NXPH1: variants seen among roughly 807,000 people sequenced by gnomAD.
NXPH1 encodes neurexophilin 1, also known as neurexophilin-1.
Under a neutral mutation model 23.7 loss-of-function variants are expected in NXPH1, and 5 were observed. That is an observed-to-expected ratio of 0.21 (90% CI 0.11 to 0.44). The LOEUF (loss-of-function observed/expected upper bound fraction) is 0.44. Ranked by LOEUF, NXPH1 falls within the 20% of genes least tolerant of loss-of-function variation. NXPH1 has a pLI of 0.99. For missense variants in NXPH1, 324 were observed against 321.6 expected (o/e 1.01, Z -0.06); for synonymous variants, 144 against 122.2 (o/e 1.18, Z -1.18).
chr7:8,526,116 G>T (rs911645964), intron 2 of NXPH1, among the ~76,000 whole-genome samples: 9 of 152,148 alleles, frequency 5.9e-5, no homozygotes, highest in Non-Finnish European at 1.5e-5. Context: ...GGGCAGAGCT[G>T]CCCAAGACCA....
At position 8,722,897 on chromosome 7, in the gene NXPH1, T is replaced by C. The variant is rs140664732; in HGVS notation, c.55-28111T>C. ...ATGGCCCCTTCCAGCCTCAGATGTT[T>C]AGTGATTGTAACTCTCAACAGTCAT... On this transcript the variant is annotated intron_variant, in intron 2 of 2. Coordinates refer to ENST00000405863, the MANE Select transcript of NXPH1 (RefSeq NM_152745.3). Among the ~76,000 whole-genome samples, 1,063 of 152,312 alleles carry C rather than the reference T, an allele frequency of 7.0e-3. 9 individuals are homozygous for C. Among genetic ancestry groups the C allele is most frequent in the Non-Finnish European group, 0.012 (789 of 68,028 alleles).
chr7:8,625,799 T>G (rs368914928), intron 2 of NXPH1, among the ~76,000 whole-genome samples: 2 of 152,156 alleles, frequency 1.3e-5, no homozygotes, highest in Non-Finnish European at 2.9e-5. Flanking sequence ...CCTAGATCAA[T>G]GTCAAGCTAA....
chr7:8,595,111 T>C (rs1819191634), intron 2 of NXPH1, among the ~76,000 whole-genome samples: 1 of 152,074 alleles, frequency 6.6e-6, no homozygotes, highest in Admixed American at 6.6e-5. Flanking sequence ...CATAATGTTC[T>C]TTGGAAGCAC....
At chr7:8,524,446 G>A (rs574571818) in intron 2 of NXPH1, among the ~76,000 whole-genome samples, 1 of 152,132 alleles carries the variant, frequency 6.6e-6, no homozygotes, top group East Asian at 1.9e-4. Flanking sequence ...CAGAGGTTCA[G>A]CTGTCCCATT....
At chr7:8,741,297 T>C (rs963921688) in intron 2 of NXPH1, among the ~76,000 whole-genome samples, 2 of 152,136 alleles carry the variant, frequency 1.3e-5, no homozygotes, top group Non-Finnish European at 2.9e-5. Flanking sequence ...TCTTTTTCCA[T>C]TCATCCCTTG....
chr7:8,508,401 G>C (rs1482766590), intron 2 of NXPH1, among the ~76,000 whole-genome samples: 1 of 152,092 alleles, frequency 6.6e-6, no homozygotes, highest in Non-Finnish European at 1.5e-5. Context: ...TAGGGTAATT[G>C]CTGGAACTAA....
At chr7:8,473,433 G>A (rs948978376) in intron 2 of NXPH1, among the ~76,000 whole-genome samples, 2 of 152,110 alleles carry the variant, frequency 1.3e-5, no homozygotes, top group Non-Finnish European at 2.9e-5. Flanking sequence ...AGCTGACATT[G>A]CTAAGCTCTA....
intron 2 of NXPH1, among the ~76,000 whole-genome samples, chr7:8,557,077 G>A (rs542804584): frequency 1.3e-5 from 2 of 151,786 alleles, no homozygotes; most frequent in South Asian, 4.1e-4. Context: ...TACATAGAAT[G>A]AGACATTGTA....
chr7:8,730,670 C>T (rs980407275), intron 2 of NXPH1, among the ~76,000 whole-genome samples: 2 of 152,128 alleles, frequency 1.3e-5, no homozygotes, highest in Non-Finnish European at 2.9e-5. Flanking sequence ...ATATTGGCCC[C>T]CACTCTCTTC....
rs148225358 is a variant in NXPH1 at position 8,666,177 on chromosome 7, G to T, written c.55-84831G>T. Among the ~76,000 whole-genome samples, 883 of 151,902 alleles carry T rather than the reference G, an allele frequency of 5.8e-3. 8 individuals are homozygous for T. The highest frequency in any genetic ancestry group is 0.02 in the African/African-American group (845 of 41,486). On this transcript the variant is annotated intron_variant, in intron 2 of 2. Coordinates refer to ENST00000405863, the MANE Select transcript of NXPH1 (RefSeq NM_152745.3). ...TCACCACTGAGTATGTTAGCTTTGG[G>T]CTTGTCATATATGGCCTTTATTGTG... is the stretch of plus-strand genomic sequence containing the variant.
In NXPH1 at chr7:8,749,294, C is replaced by T. The variant is rs550454313; in HGVS notation, c.55-1714C>T. 2.9e-4 allele frequency among the ~76,000 whole-genome samples: 44 copies of T among 152,278 alleles called. No individual in the cohort carries two copies. In the South Asian group the frequency reaches 8.7e-3, roughly 30 times the overall value. ...TAGATATCATATTGCCTACATTTTA[C>T]AGATTCAGGAAACAGAGGCAGAGGG... On this transcript the variant is annotated intron_variant, in intron 2 of 2. Coordinates refer to ENST00000405863, the MANE Select transcript of NXPH1 (RefSeq NM_152745.3).
chr7:8,582,969 C>T (rs551927705), intron 2 of NXPH1, among the ~76,000 whole-genome samples: 1 of 152,330 alleles, frequency 6.6e-6, no homozygotes, highest in South Asian at 2.1e-4. Context: ...CCCCCTTGGC[C>T]TTCCTCCCAT....
chr7:8,619,171 C>T (rs567558865), intron 2 of NXPH1, among the ~76,000 whole-genome samples: 1 of 152,206 alleles, frequency 6.6e-6, no homozygotes, highest in South Asian at 2.1e-4. Context: ...GCCATGTGTT[C>T]CTGGCATAGT....
chr7:8,648,132 C>G (rs932755728), intron 2 of NXPH1, among the ~76,000 whole-genome samples: 8 of 147,932 alleles, frequency 5.4e-5, no homozygotes, highest in African/African-American at 1.7e-4. Context: ...GGTATCCATC[C>G]CCTCAAGCAT....
At chr7:8,585,396 C>T (rs1454258327) in intron 2 of NXPH1, among the ~76,000 whole-genome samples, 3 of 150,720 alleles carry the variant, frequency 2.0e-5, no homozygotes, top group Non-Finnish European at 4.4e-5. Flanking sequence ...GGATCTTGAA[C>T]TCTGGCTTTA....
At chr7:8,702,509 G>A (rs1041981261) in intron 2 of NXPH1, among the ~76,000 whole-genome samples, 1 of 152,046 alleles carries the variant, frequency 6.6e-6, no homozygotes, top group Non-Finnish European at 1.5e-5. Context: ...GGGCCTTACT[G>A]AACTATTATA....
At chr7:8,613,229 T>C (rs1349731675) in intron 2 of NXPH1, among the ~76,000 whole-genome samples, 1 of 152,022 alleles carries the variant, frequency 6.6e-6, no homozygotes, top group East Asian at 1.9e-4. Flanking sequence ...TTTTAAGTTT[T>C]GCGCACATTT....
intron 2 of NXPH1, among the ~76,000 whole-genome samples, chr7:8,629,897 A>G (rs1248651867): frequency 6.6e-6 from 1 of 152,142 alleles, no homozygotes; most frequent in Non-Finnish European, 1.5e-5. Flanking sequence ...TAGGTCCTAC[A>G]ACCTTTTGCC....
At chr7:8,629,441 T>G (rs1820075093) in intron 2 of NXPH1, among the ~76,000 whole-genome samples, 1 of 152,154 alleles carries the variant, frequency 6.6e-6, no homozygotes, top group South Asian at 2.1e-4. Context: ...GAATGCTTTC[T>G]GATAGGAGGC....
Sources: gnomAD v4.1 joint callset for allele counts (sites outside exome capture counted in the v4.1 genomes callset) on GRCh38, gnomAD v4.1.1 for gene constraint, MANE v1.5 for transcripts, NCBI Gene and HGNC (gene_info 2026-07-23, HGNC 2026-07-21) for gene names.